The following TMEM163 variants were observed in gnomAD, a reference collection of about 807,000 sequenced individuals.
The protein encoded by TMEM163 is transmembrane protein 163.
A neutral mutation model predicts 29.3 loss-of-function variants in TMEM163; 17 were observed. The ratio of observed to expected loss-of-function variants is 0.58; its 90% CI spans 0.40 to 0.87. The LOEUF (loss-of-function observed/expected upper bound fraction) is 0.87. TMEM163 is among the 40% of genes least tolerant of loss of function. TMEM163 has a pLI of 0.00. For synonymous variants in TMEM163, 157 were observed against 160.6 expected, an observed-to-expected ratio of 0.98 and a Z score of 0.17; for missense variants, 303 against 381.5, an observed-to-expected ratio of 0.79 and a Z score of 1.71.
chr2:134,600,271 G>C (rs548746057), intron 2 of TMEM163, among the ~76,000 whole-genome samples: 1 of 152,164 alleles, frequency 6.6e-6, no homozygotes, highest in Non-Finnish European at 1.5e-5. Flanking sequence ...TGGTTGTCAT[G>C]TGACTTAATT....
chr2:134,691,837 G>A (rs1281323306), intron 2 of TMEM163, among the ~76,000 whole-genome samples: 1 of 152,216 alleles, frequency 6.6e-6, no homozygotes, highest in Non-Finnish European at 1.5e-5. Context: ...TTGAAGTGTT[G>A]TATTTGCCTT....
intron 2 of TMEM163, among the ~76,000 whole-genome samples, chr2:134,711,230 T>C (rs898421487): frequency 6.6e-6 from 1 of 152,198 alleles, no homozygotes; most frequent in African/African-American, 2.4e-5. Flanking sequence ...TAGAAATACA[T>C]TTAGGAAACT....
chr2:134,460,077 C>G lies in TMEM163; in HGVS notation c.668-1904G>C, dbSNP rs1686499950. On this transcript the variant is annotated intron_variant, in intron 6 of 7. Coordinates refer to ENST00000281924, the MANE Select transcript of TMEM163 (RefSeq NM_030923.5). This position sits in a 1 kb window ranked among gnomAD's most constrained non-coding sequence, Gnocchi z 4.3. ...CCTCGAGCCCCTTGCCAGATGTTAC[C>G]CCCCCCCAAATTCATTCTCACTCTC... Among the ~76,000 whole-genome samples the G allele has an allele frequency of 7.7e-6, 1 of 129,376 alleles. No homozygotes were observed. Among genetic ancestry groups the G allele is most frequent in the Non-Finnish European group, 1.6e-5 (1 of 62,842 alleles). 84.9% of individuals were successfully genotyped at this position (129,376 alleles called of 152,430 possible).
intron 4 of TMEM163, among the ~76,000 whole-genome samples, chr2:134,516,892 G>A (rs1680082906): frequency 6.6e-6 from 1 of 151,330 alleles, no homozygotes; most frequent in Non-Finnish European, 1.5e-5. Flanking sequence ...CTAGACTAGA[G>A]ATTTACCAAG....
At chr2:134,481,310 T>C (rs1679168720) in intron 5 of TMEM163, among the ~76,000 whole-genome samples, 1 of 148,822 alleles carries the variant, frequency 6.7e-6, no homozygotes, top group Admixed American at 6.7e-5. Flanking sequence ...CCACATCTCA[T>C]CTTGAACTGT....
At chr2:134,557,452 CA>C (rs1681071300) in intron 2 of TMEM163, among the ~76,000 whole-genome samples, 1 of 152,142 alleles carries the variant, frequency 6.6e-6, no homozygotes, top group Non-Finnish European at 1.5e-5. Context: ...CGCATGTGCC[CA>C]AAGTGGTCCA....
chr2:134,673,784 T>C (rs182601745), intron 2 of TMEM163, among the ~76,000 whole-genome samples: 1 of 152,250 alleles, frequency 6.6e-6, no homozygotes, highest in East Asian at 1.9e-4. Flanking sequence ...CCAAAGCCTA[T>C]GGAAAAACAC....
chr2:134,488,634 T>G (rs1464971870), intron 5 of TMEM163, among the ~76,000 whole-genome samples: 1 of 152,190 alleles, frequency 6.6e-6, no homozygotes, highest in Non-Finnish European at 1.5e-5. Flanking sequence ...CTTTAGCATG[T>G]GATCATGTGA....
In TMEM163 at chr2:134,466,579, G is replaced by T. The variant is rs539169396; in HGVS notation, c.556-354C>A. 216 of 188,536 alleles carry T rather than the reference G, an allele frequency of 1.1e-3. 2 individuals are homozygous for T. Among genetic ancestry groups the T allele is most frequent in the Non-Finnish European group, 1.8e-3 (160 of 90,760 alleles). The allele number at this position is 188,536 out of a possible 1,614,324, so 11.7% of individuals were successfully genotyped here. A position where few individuals can be genotyped will look rare whatever the true frequency, so the allele number is the denominator to read the frequency against. On this transcript the variant is annotated intron_variant, in intron 5 of 7. Transcript: ENST00000281924. Reference sequence around the variant, plus strand: ...CATCTTCTATATAGAATTTTCCACAGATAACTCACCAAGCAGTTGACTGAG... The same window carrying T: ...CATCTTCTATATAGAATTTTCCACATATAACTCACCAAGCAGTTGACTGAG...
At chr2:134,471,329 C>T (rs1686795839) in intron 5 of TMEM163, among the ~76,000 whole-genome samples, 1 of 152,178 alleles carries the variant, frequency 6.6e-6, no homozygotes, top group African/African-American at 2.4e-5. Context: ...AGGGGGACCT[C>T]ATAATGAGAC....
intron 2 of TMEM163, among the ~76,000 whole-genome samples, chr2:134,657,229 T>C (rs1406622851): frequency 6.6e-6 from 1 of 152,226 alleles, no homozygotes; most frequent in Non-Finnish European, 1.5e-5. Flanking sequence ...GGTCCAGAGC[T>C]CTTTTTGGTT....
intron 4 of TMEM163, among the ~76,000 whole-genome samples, chr2:134,536,325 C>T (rs1026699213): frequency 3.9e-5 from 6 of 152,180 alleles, no homozygotes; most frequent in African/African-American, 1.2e-4. Flanking sequence ...CTGGGCTCCC[C>T]GTCCAGCTTG....
chr2:134,479,317 C>G (rs1686990697), intron 5 of TMEM163, among the ~76,000 whole-genome samples: 4 of 152,322 alleles, frequency 2.6e-5, no homozygotes, highest in Middle Eastern at 3.4e-3. Context: ...AGCCAATGAC[C>G]AGTGCATCTG....
At chr2:134,648,348 T>TTCTCTTC (rs1558977053) in intron 2 of TMEM163, among the ~76,000 whole-genome samples, 5 of 151,936 alleles carry the variant, frequency 3.3e-5, no homozygotes, top group African/African-American at 9.7e-5. Flanking sequence ...TTCTCTTCTC[T>TTCTCTTC]GCTGTGTGGA....
intron 2 of TMEM163, among the ~76,000 whole-genome samples, chr2:134,624,780 G>A (rs537255400): frequency 2.0e-5 from 3 of 152,048 alleles, no homozygotes; most frequent in East Asian, 3.9e-4. Context: ...ATGGTGGCAT[G>A]AGCCTATAAT....
chr2:134,643,219 AC>A (rs1238417575), intron 2 of TMEM163, among the ~76,000 whole-genome samples: 4 of 152,166 alleles, frequency 2.6e-5, no homozygotes, highest in Non-Finnish European at 4.4e-5. Context: ...AACTTTATGT[AC>A]CTGAATCTTT....
intron 6 of TMEM163, among the ~76,000 whole-genome samples, chr2:134,464,774 C>T (rs1046308120): frequency 6.6e-6 from 1 of 152,234 alleles, no homozygotes; most frequent in African/African-American, 2.4e-5. Flanking sequence ...AGTCCCGCCA[C>T]CTGTCGACAG....
intron 4 of TMEM163, among the ~76,000 whole-genome samples, chr2:134,544,465 T>C (rs977531820): frequency 6.6e-6 from 1 of 152,198 alleles, no homozygotes; most frequent in African/African-American, 2.4e-5. Context: ...ACTAGCTGCA[T>C]GGGCCTATTT....
At chr2:134,672,828 T>C (rs564516156) in intron 2 of TMEM163, among the ~76,000 whole-genome samples, 194 of 152,124 alleles carry the variant, frequency 1.3e-3, no homozygotes, top group African/African-American at 4.1e-3. Context: ...TCATCCAAGT[T>C]CCATCAATTC....
Sources: gnomAD v4.1 joint callset for allele counts (sites outside exome capture counted in the v4.1 genomes callset) on GRCh38, gnomAD v4.1.1 for gene constraint, Gnocchi (gnomAD v3.1) non-coding constraint, MANE v1.5 for transcripts, NCBI Gene and HGNC (gene_info 2026-07-23, HGNC 2026-07-21) for gene names.